CLDN10: variants seen among roughly 807,000 people sequenced by gnomAD.
CLDN10 encodes the protein claudin 10, also known as claudin-10.
Under a neutral mutation model 22.9 loss-of-function variants are expected in CLDN10, and 15 were observed. The ratio of observed to expected loss-of-function variants is 0.65; its 90% confidence interval spans 0.44 to 1.01. The LOEUF (loss-of-function observed/expected upper bound fraction) is 1.01. Among genes scored for constraint, CLDN10 ranks in the 50% least tolerant of loss-of-function variants. The pLI is 0.00. For missense variants in CLDN10, 247 were observed against 287.8 expected (o/e 0.86, Z 1.03); for synonymous variants, 114 against 111.4 (o/e 1.02, Z -0.15).
chr13:95,478,411 G>A (rs1027963597), intron 1 of CLDN10, among the ~76,000 whole-genome samples: 5 of 152,202 alleles, frequency 3.3e-5, no homozygotes, highest in Non-Finnish European at 7.3e-5. Flanking sequence ...GATGTAGAGC[G>A]TTTACAGAAC....
intron 1 of CLDN10, among the ~76,000 whole-genome samples, chr13:95,485,969 C>A (rs141437150): frequency 6.6e-6 from 1 of 152,200 alleles, no homozygotes; most frequent in Non-Finnish European, 1.5e-5. Flanking sequence ...CCTCTTAGGA[C>A]AAGATGTCCT....
intron 3 of CLDN10, among the ~76,000 whole-genome samples, chr13:95,568,578 G>C (rs2043814702): frequency 6.6e-6 from 1 of 152,038 alleles, no homozygotes; most frequent in African/African-American, 2.4e-5. Flanking sequence ...TCCCTGTTTT[G>C]GGTGCTCCCT....
At chr13:95,467,920 G>A (rs967640973) in intron 1 of CLDN10, among the ~76,000 whole-genome samples, 25 of 152,336 alleles carry the variant, frequency 1.6e-4, no homozygotes, top group African/African-American at 5.8e-4. Flanking sequence ...TGTCAGATGG[G>A]AAGAATTCTC....
chr13:95,434,179 T>C, intron 1 of CLDN10: 1 of 743,704 alleles, frequency 1.3e-6, no homozygotes, highest in South Asian at 1.7e-5. Context: ...AAGATTTGCC[T>C]AGGAAGGATG....
intron 1 of CLDN10, among the ~76,000 whole-genome samples, chr13:95,523,409 GTTA>G (rs1467955940): frequency 1.3e-5 from 2 of 152,074 alleles, no homozygotes; most frequent in Non-Finnish European, 2.9e-5. Context: ...GTTGCTTAAT[GTTA>G]TTATCATCCG....
At chr13:95,541,688 G>A (rs914608424) in intron 1 of CLDN10, among the ~76,000 whole-genome samples, 1 of 152,028 alleles carries the variant, frequency 6.6e-6, no homozygotes, top group Admixed American at 6.6e-5. Flanking sequence ...GGGAAAAATG[G>A]GCCCAATCAA....
At chr13:95,478,063 T>G (rs570964784) in intron 1 of CLDN10, among the ~76,000 whole-genome samples, 1 of 152,296 alleles carries the variant, frequency 6.6e-6, no homozygotes, top group South Asian at 2.1e-4. Context: ...TCCAGCACTT[T>G]GGGAGGCTGA....
Position 95,577,225 on chromosome 13 carries a change from TCA to T in CLDN10, c.465-3_465-2del. The T allele has an allele frequency of 6.3e-7, 1 of 1,593,240 alleles. No homozygotes were observed. The highest frequency in any genetic ancestry group is 1.1e-5 in the South Asian group (1 of 90,528). ...GCTGTAATACTTGTGTAATGCTTTC[TCA>T]CAGGTATGAATTAGGAGCCGCTCTG... On this transcript the variant is annotated splice_region_variant and splice_polypyrimidine_tract_variant and intron_variant, in intron 3 of 4. Coordinates refer to ENST00000299339, the MANE Select transcript of CLDN10 (RefSeq NM_006984.5).
chr13:95,445,292 C>T (rs2042362750), intron 1 of CLDN10, among the ~76,000 whole-genome samples: 1 of 152,216 alleles, frequency 6.6e-6, no homozygotes, highest in Non-Finnish European at 1.5e-5. Context: ...GAATATCTGG[C>T]TGCAGACGTC....
chr13:95,514,184 G>A (rs974173676), intron 1 of CLDN10, among the ~76,000 whole-genome samples: 2 of 152,118 alleles, frequency 1.3e-5, no homozygotes, highest in Non-Finnish European at 2.9e-5. Context: ...GCTTGAGCCT[G>A]GGAGGTGGAG....
chr13:95,446,899 T>C lies in CLDN10; in HGVS notation c.214+12852T>C, dbSNP rs564887445. 3.3e-5 allele frequency among the ~76,000 whole-genome samples: 5 copies of C among 152,244 alleles called. 1 individual carries two copies. Among genetic ancestry groups the C allele is most frequent in the African/African-American group, 1.2e-4 (5 of 41,558 alleles). On this transcript the variant is annotated intron_variant, in intron 1 of 4. Transcript: ENST00000376873. ...GAAACACATAGCTCTCCATCTCTAA[T>C]TGATATCTGGAAGGGTCCTAAGAAG...
At chr13:95,512,043 T>C (rs2043107417) in intron 1 of CLDN10, among the ~76,000 whole-genome samples, 1 of 130,910 alleles carries the variant, frequency 7.6e-6, no homozygotes, top group Non-Finnish European at 1.7e-5. Context: ...GATGTTAATA[T>C]GAGCAATGTG....
At chr13:95,493,766 G>T (rs541611090) in intron 1 of CLDN10, among the ~76,000 whole-genome samples, 41 of 152,090 alleles carry the variant, frequency 2.7e-4, no homozygotes, top group Admixed American at 2.7e-3. Flanking sequence ...CATCATGTTG[G>T]CCAGGCTGGT....
At chr13:95,505,439 C>T (rs1374367130) in intron 1 of CLDN10, among the ~76,000 whole-genome samples, 1 of 152,206 alleles carries the variant, frequency 6.6e-6, no homozygotes, top group Non-Finnish European at 1.5e-5. Context: ...GACTCACTTT[C>T]TTCAGTGCAC....
intron 1 of CLDN10, among the ~76,000 whole-genome samples, chr13:95,468,167 A>G (rs114751287): frequency 8.5e-4 from 130 of 152,246 alleles, no homozygotes; most frequent in African/African-American, 3.1e-3. Flanking sequence ...TGTATTTCCT[A>G]TAAGTTTGTA....
At chr13:95,476,304 G>A (rs7984435) in intron 1 of CLDN10, among the ~76,000 whole-genome samples, 67,881 of 151,914 alleles carry the variant, frequency 0.45, 15,230 homozygotes, top group Middle Eastern at 0.53. Context: ...TATTTCCCAC[G>A]GTTCTGGAGG....
Position 95,560,246 on chromosome 13 carries a change from C to A in CLDN10, c.335C>A (p.Ala112Asp), listed in dbSNP as rs1379835641. Residue 112 changes from alanine to aspartate, a missense_variant, in exon 2 of 5, where the codon GCC (alanine) becomes GAC (aspartate). Ala to Asp is a moderately radical substitution (Grantham distance 126). Transcript: ENST00000299339. ...ACCAAAGTCGGAGGCTCCGATAAAG[C>A]CAAAGCTAAAATTGCTTGTTTGGCT... ...KCTKVGGSDK[A>D]KAKIACLAGI... The A allele has an allele frequency of 1.2e-6, 2 of 1,614,172 alleles. No homozygotes were observed. Among genetic ancestry groups the A allele is most frequent in the Non-Finnish European group, 1.7e-6 (2 of 1,180,014 alleles).
At chr13:95,522,662 C>A (rs1460786362) in intron 1 of CLDN10, among the ~76,000 whole-genome samples, 1 of 152,058 alleles carries the variant, frequency 6.6e-6, no homozygotes, top group Non-Finnish European at 1.5e-5. Context: ...TAAAACCCCC[C>A]ATTATGGTTG....
At chr13:95,524,864 T>A (rs922086660) in intron 1 of CLDN10, among the ~76,000 whole-genome samples, 2 of 127,948 alleles carry the variant, frequency 1.6e-5, no homozygotes, top group East Asian at 2.2e-4. Flanking sequence ...TATTTATTTT[T>A]ATTTTTTTTT....
Sources: allele counts gnomAD v4.1 joint callset (sites outside exome capture counted in the v4.1 genomes callset), GRCh38; gene constraint gnomAD v4.1.1; transcripts MANE v1.5; gene names NCBI Gene and HGNC (gene_info 2026-07-23, HGNC 2026-07-21).